Variants in ADGB observed in about 807,000 individuals in gnomAD.
ADGB encodes the protein androglobin.
A neutral mutation model predicts 210.5 loss-of-function variants in ADGB; 172 were observed. That is an observed-to-expected ratio of 0.82 (90% CI 0.72 to 0.93). The LOEUF (loss-of-function observed/expected upper bound fraction) is 0.93, where lower values mean the gene tolerates loss of function less well. Among genes scored for constraint, ADGB ranks in the 40% least tolerant of loss-of-function variants. The pLI is 0.00. For synonymous variants in ADGB, 658 were observed against 662.7 expected (o/e 0.99, Z 0.11); for missense variants, 2,025 against 1,964.8 (o/e 1.03, Z -0.58).
chr6:146,813,760 T>G (rs1778338281), intron 35 of ADGB, among the ~76,000 whole-genome samples: 1 of 152,240 alleles, frequency 6.6e-6, no homozygotes, highest in African/African-American at 2.4e-5. Flanking sequence ...GATTGCTGTT[T>G]GTGGTTTTTG....
chr6:146,698,760 G>GT (rs570834522), intron 12 of ADGB, among the ~76,000 whole-genome samples: 19 of 151,892 alleles, frequency 1.3e-4, no homozygotes, highest in Non-Finnish European at 2.4e-4. Flanking sequence ...GTTTTGTTTT[G>GT]TTTTTTGAGA....
chr6:146,623,834 T>A (rs1040320922), intron 1 of ADGB, among the ~76,000 whole-genome samples: 4 of 151,934 alleles, frequency 2.6e-5, no homozygotes, highest in Admixed American at 2.6e-4. Context: ...CATATTTAGA[T>A]GATCATAATT....
rs573452453 is a variant in ADGB at position 146,734,696 on chromosome 6, G to A, written c.2794+666G>A. Reference sequence around the variant, plus strand: ...AGGCTGAGGGGGGCAGATTGCTTGAGCTCTGGAGTTCAACACCAGCCTGGG... The same window carrying A: ...AGGCTGAGGGGGGCAGATTGCTTGAACTCTGGAGTTCAACACCAGCCTGGG... On this transcript the variant is annotated intron_variant, in intron 22 of 35. Transcript: ENST00000397944. Among the ~76,000 whole-genome samples the A allele has an allele frequency of 1.4e-4, 21 of 152,262 alleles. 1 individual carries two copies. Among genetic ancestry groups the A allele is most frequent in the African/African-American group, 3.9e-4 (16 of 41,550 alleles).
intron 33 of ADGB, among the ~76,000 whole-genome samples, chr6:146,793,204 G>C (rs1562302606): frequency 6.6e-6 from 1 of 152,054 alleles, no homozygotes; most frequent in African/African-American, 2.4e-5. Flanking sequence ...AGCGCTGATT[G>C]GTGCATTTTA....
intron 1 of ADGB, among the ~76,000 whole-genome samples, chr6:146,628,741 A>G (rs929559768): frequency 1.3e-5 from 2 of 151,874 alleles, no homozygotes; most frequent in Admixed American, 1.3e-4. Flanking sequence ...GGCATGTCAG[A>G]TGCTATTTTC....
chr6:146,806,921 TTGA>T (rs1220087993), intron 35 of ADGB, among the ~76,000 whole-genome samples: 2 of 152,184 alleles, frequency 1.3e-5, no homozygotes, highest in African/African-American at 4.8e-5. Context: ...CTTGGTATCC[TTGA>T]TGAAGAATGA....
At chr6:146,679,647 C>T (rs1321799801) in intron 9 of ADGB, among the ~76,000 whole-genome samples, 1 of 152,180 alleles carries the variant, frequency 6.6e-6, no homozygotes, top group African/African-American at 2.4e-5. Flanking sequence ...GGTTCATAAA[C>T]CCACAGTCTT....
chr6:146,719,569 C>T (rs111494356), intron 16 of ADGB, among the ~76,000 whole-genome samples: 32 of 152,266 alleles, frequency 2.1e-4, no homozygotes, highest in African/African-American at 7.2e-4. Context: ...ACCTTAGTGG[C>T]CTGCCGAGCT....
chr6:146,697,283 T>C (rs1486013605), intron 12 of ADGB, among the ~76,000 whole-genome samples: 2 of 152,166 alleles, frequency 1.3e-5, no homozygotes, highest in Non-Finnish European at 2.9e-5. Flanking sequence ...GTGCAGGGTA[T>C]GATGGTTGCC....
At chr6:146,761,931 A>G (rs1777495466) in intron 27 of ADGB, among the ~76,000 whole-genome samples, 1 of 152,050 alleles carries the variant, frequency 6.6e-6, no homozygotes, top group Non-Finnish European at 1.5e-5. Flanking sequence ...GTCTTGAGAC[A>G]ACTTAACTCT....
intron 27 of ADGB, among the ~76,000 whole-genome samples, chr6:146,758,036 A>G (rs2114618294): frequency 6.6e-6 from 1 of 152,184 alleles, no homozygotes; most frequent in South Asian, 2.1e-4. Context: ...AAGCTGTAGT[A>G]CTTTCAGTTC....
chr6:146,737,728 T>C (rs1047930080), intron 23 of ADGB, among the ~76,000 whole-genome samples: 4 of 152,146 alleles, frequency 2.6e-5, no homozygotes, highest in Non-Finnish European at 4.4e-5. Context: ...CTACACCTAA[T>C]TTTCATGAAA....
At chr6:146,655,232 A>C (rs1014830943) in intron 4 of ADGB, among the ~76,000 whole-genome samples, 2 of 152,188 alleles carry the variant, frequency 1.3e-5, no homozygotes, top group African/African-American at 4.8e-5. Flanking sequence ...CCACATGACC[A>C]GCAATGGACA....
At chr6:146,660,777 AT>A (rs1775844021) in intron 5 of ADGB, among the ~76,000 whole-genome samples, 1 of 152,194 alleles carries the variant, frequency 6.6e-6, no homozygotes, top group Admixed American at 6.5e-5. Flanking sequence ...GAGTTATTCC[AT>A]CAAAATATTT....
At chr6:146,733,830 G>A (rs911840534) in intron 21 of ADGB, 63 bp from the exon 22 acceptor site, 41 of 1,538,104 alleles carry the variant, frequency 2.7e-5, no homozygotes, top group African/African-American at 4.1e-5. Flanking sequence ...AGCTGAAGGC[G>A]TTGAAACTTA....
chr6:146,806,431 CTCTT>C (rs1778213392), intron 35 of ADGB, among the ~76,000 whole-genome samples: 1 of 152,132 alleles, frequency 6.6e-6, no homozygotes, highest in African/African-American at 2.4e-5. Flanking sequence ...GTCTCTTTCT[CTCTT>C]TAATATGTCA....
chr6:146,631,464 T>C (rs1488799717), intron 1 of ADGB, among the ~76,000 whole-genome samples: 4 of 152,174 alleles, frequency 2.6e-5, no homozygotes, highest in Non-Finnish European at 5.9e-5. Flanking sequence ...CTAGCCAAAC[T>C]GCAAAAGAAA....
intron 35 of ADGB, among the ~76,000 whole-genome samples, chr6:146,806,762 A>G (rs956614026): frequency 2.6e-5 from 4 of 152,244 alleles, no homozygotes; most frequent in Admixed American, 6.5e-5. Context: ...GGAGAAAAGG[A>G]GAAATCAGTG....
At chr6:146,607,128 A>T (rs76374996) in intron 1 of ADGB, among the ~76,000 whole-genome samples, 13,180 of 152,124 alleles carry the variant, frequency 0.087, 682 homozygotes, top group East Asian at 0.23. Context: ...TTGGTTAGCT[A>T]TATACTTAGG....
Sources: gnomAD v4.1 joint callset for allele counts (sites outside exome capture counted in the v4.1 genomes callset) on GRCh38, gnomAD v4.1.1 for gene constraint, MANE v1.5 for transcripts, NCBI Gene and HGNC (gene_info 2026-07-23, HGNC 2026-07-21) for gene names.